The following RANBP2 variants were observed in gnomAD, a reference collection of about 807,000 sequenced individuals.
RANBP2 encodes the protein RAN binding protein 2, also known as E3 SUMO-protein ligase RanBP2.
Under a neutral mutation model 303.6 loss-of-function variants are expected in RANBP2, and 57 were observed. That is an observed-to-expected ratio of 0.19 (90% CI 0.15 to 0.23). The LOEUF (loss-of-function observed/expected upper bound fraction) is 0.23, where lower values mean the gene tolerates loss of function less well. RANBP2 is among the 10% of genes least tolerant of loss of function. The pLI, the probability that RANBP2 is intolerant of heterozygous loss-of-function variation, is 1.00. For missense variants in RANBP2, 3,138 were observed against 3,780.8 expected (o/e 0.83, Z 4.46); for synonymous variants, 1,167 against 1,301.5 (o/e 0.90, Z 2.23).
At chr2:108,852,596 T>C in the RANBP2 span, among the ~76,000 whole-genome samples, 2 of 152,188 alleles carry the variant, frequency 1.3e-5, no homozygotes, top group African/African-American at 4.8e-5. Flanking sequence ...ATTATGTCCT[T>C]TGCAGGGACA....
At chr2:109,557,826 A>G in the RANBP2 span, among the ~76,000 whole-genome samples, 2 of 152,092 alleles carry the variant, frequency 1.3e-5, no homozygotes, top group African/African-American at 4.8e-5. Context: ...TTTCTAGCAT[A>G]AAAGTAGCTT....
At chr2:109,568,875 T>C in the RANBP2 span, among the ~76,000 whole-genome samples, 3 of 152,136 alleles carry the variant, frequency 2.0e-5, no homozygotes, top group African/African-American at 7.2e-5. Context: ...ATCTTAAAAG[T>C]GTTCATGATG....
chr2:109,501,265 T>G, the RANBP2 span, among the ~76,000 whole-genome samples: 1 of 152,188 alleles, frequency 6.6e-6, no homozygotes, highest in South Asian at 2.1e-4. Flanking sequence ...CAGTCCAGCT[T>G]CTTCGTAGAT....
the RANBP2 span, among the ~76,000 whole-genome samples, chr2:109,677,837 CTG>C: frequency 6.6e-6 from 1 of 152,218 alleles, no homozygotes; most frequent in Non-Finnish European, 1.5e-5. Flanking sequence ...TTGTTTGTTT[CTG>C]TGTCTTACTC....
the RANBP2 span, among the ~76,000 whole-genome samples, chr2:109,511,816 G>C: frequency 7.9e-5 from 12 of 152,136 alleles, no homozygotes; most frequent in Admixed American, 3.9e-4. Flanking sequence ...ATAAGGAATG[G>C]GGGGTGGACA....
At chr2:108,725,084 A>T (rs915008336) in intron 1 of RANBP2, among the ~76,000 whole-genome samples, 2 of 152,164 alleles carry the variant, frequency 1.3e-5, no homozygotes, top group African/African-American at 4.8e-5. Context: ...GGCATCTCTT[A>T]GGGTCTTACT....
At chr2:108,744,829 C>T (rs116421578) in intron 7 of RANBP2, among the ~76,000 whole-genome samples, 2,120 of 152,268 alleles carry the variant, frequency 0.014, 65 homozygotes, top group South Asian at 0.09. Flanking sequence ...TCTCCACCTC[C>T]AAAGAAACTA....
the RANBP2 span, among the ~76,000 whole-genome samples, chr2:109,408,596 G>A: frequency 2.2e-4 from 33 of 152,352 alleles, no homozygotes; most frequent in East Asian, 4.1e-3. Flanking sequence ...CGTGAGCTTC[G>A]CTGCGGCAAG....
chr2:109,637,331 G>T, the RANBP2 span, among the ~76,000 whole-genome samples: 301 of 152,186 alleles, frequency 2.0e-3, 2 homozygotes, highest in African/African-American at 7.1e-3. Context: ...CAGTTCCCAG[G>T]GGCAGGCAGG....
chr2:109,526,709 G>A, the RANBP2 span, among the ~76,000 whole-genome samples: 1 of 152,102 alleles, frequency 6.6e-6, no homozygotes, highest in Non-Finnish European at 1.5e-5. Flanking sequence ...TGGCACAGGG[G>A]GCTCACCGAT....
At chr2:108,842,436 C>T in the RANBP2 span, among the ~76,000 whole-genome samples, 6 of 151,712 alleles carry the variant, frequency 4.0e-5, no homozygotes, top group East Asian at 5.8e-4. Flanking sequence ...GGAGAGAGAG[C>T]GAGAGAGAGA....
At chr2:109,130,054 G>A in the RANBP2 span, 3 of 1,368,172 alleles carry the variant, frequency 2.2e-6, no homozygotes, top group Non-Finnish European at 2.8e-6. Context: ...CGCGGCCGCG[G>A]GCAGCACCGC....
At chr2:109,255,418 T>C in the RANBP2 span, among the ~76,000 whole-genome samples, 1 of 152,152 alleles carries the variant, frequency 6.6e-6, no homozygotes, top group South Asian at 2.1e-4. Flanking sequence ...TTCTCAATGA[T>C]CAGTATGAAG....
the RANBP2 span, among the ~76,000 whole-genome samples, chr2:108,807,643 A>G: frequency 2.6e-5 from 4 of 152,072 alleles, no homozygotes; most frequent in African/African-American, 9.7e-5. Flanking sequence ...TTTTGAGATG[A>G]GTCTCATTCT....
At chr2:108,996,543 A>G in the RANBP2 span, among the ~76,000 whole-genome samples, 1 of 152,336 alleles carries the variant, frequency 6.6e-6, no homozygotes, top group Non-Finnish European at 1.5e-5. Flanking sequence ...AATGAAATAC[A>G]TACCCCAGAC....
the RANBP2 span, among the ~76,000 whole-genome samples, chr2:109,519,822 G>A: frequency 6.6e-6 from 1 of 152,162 alleles, no homozygotes; most frequent in Non-Finnish European, 1.5e-5. Flanking sequence ...TAGCATCCCT[G>A]AAATTACGAA....
rs565430480 is a variant in RANBP2, at chr2:108,784,177, T to C, written c.*276T>C. ...ATAATACTAATCTTGTTAAAAGCAA[T>C]AGACCTCAAACTATTGAAGGAATAT... On this transcript the variant is annotated 3_prime_UTR_variant, in exon 29 of 29. Transcript: ENST00000283195. 8.7e-6 allele frequency: 3 copies of C among 342,994 alleles called. No individual in the cohort carries two copies. Among genetic ancestry groups the C allele is most frequent in the East Asian group, 5.6e-5 (1 of 17,928 alleles). 21.2% of individuals were successfully genotyped at this position (342,994 alleles called of 1,614,324 possible). A position where few individuals can be genotyped will look rare whatever the true frequency, so the allele number is the denominator to read the frequency against.
the RANBP2 span, among the ~76,000 whole-genome samples, chr2:109,272,796 G>A: frequency 2.0e-5 from 3 of 152,190 alleles, no homozygotes; most frequent in Non-Finnish European, 4.4e-5. Context: ...AACAGCCCCC[G>A]GTACTGCCGC....
chr2:108,796,896 A>G, the RANBP2 span, among the ~76,000 whole-genome samples: 1 of 152,212 alleles, frequency 6.6e-6, no homozygotes, highest in African/African-American at 2.4e-5. Context: ...AAGTTTCAGT[A>G]TTTACTAGTA....
Sources: allele counts gnomAD v4.1 joint callset (sites outside exome capture counted in the v4.1 genomes callset), GRCh38; gene constraint gnomAD v4.1.1; transcripts MANE v1.5; gene names NCBI Gene and HGNC (gene_info 2026-07-23, HGNC 2026-07-21).